Variants in SCNN1A observed in about 807,000 individuals in gnomAD.
SCNN1A encodes sodium channel epithelial 1 subunit alpha.
A neutral mutation model predicts 68.6 loss-of-function variants in SCNN1A; 65 were observed. The observed-to-expected ratio is 0.95, with a 90% CI of 0.78 to 1.16. The LOEUF (loss-of-function observed/expected upper bound fraction) is 1.16, where lower values mean the gene tolerates loss of function less well. SCNN1A is among the 50% of genes most tolerant of loss of function. The pLI is 0.00. For missense variants in SCNN1A, 880 were observed against 865.9 expected, an observed-to-expected ratio of 1.02 and a Z score of -0.20; for synonymous variants, 357 against 353.3, an observed-to-expected ratio of 1.01 and a Z score of -0.12.
At chr12:6,375,116 T>C in intron 1 of SCNN1A, 1 of 1,498,022 alleles carries the variant, frequency 6.7e-7, no homozygotes, top group Non-Finnish European at 8.9e-7. Flanking sequence ...CTTTCGAGTT[T>C]TGTCCTAGCA....
upstream of SCNN1A, chr12:6,375,565 A>ATCT: frequency 6.5e-7 from 1 of 1,528,554 alleles, no homozygotes; most frequent in Non-Finnish European, 8.8e-7. Context: ...GATGGAAGCG[A>ATCT]CAGGAATCTC....
At chr12:6,357,993 C>T (rs1368091238) in intron 4 of SCNN1A, among the ~76,000 whole-genome samples, 4 of 151,936 alleles carry the variant, frequency 2.6e-5, no homozygotes, top group Admixed American at 6.6e-5. Context: ...AGTGAAACTC[C>T]GTCTCCAAAA....
At position 6,372,021 on chromosome 12, in the gene SCNN1A, C is replaced by T. The variant is rs1295513284; in HGVS notation, c.416+2347G>A. On this transcript the variant is annotated intron_variant, in intron 2 of 12. Coordinates refer to ENST00000228916, the MANE Select transcript of SCNN1A (RefSeq NM_001038.6). The surrounding 1 kb of genome is among the most constrained non-coding windows in gnomAD (Gnocchi z 5.8). ...CCATGATGGCCAGGCTGGTCTCGAA[C>T]TCCTGGCCTCAAGTGAGGGGCTCTT... Among the ~76,000 whole-genome samples, 1 of 152,126 alleles carries T rather than the reference C, an allele frequency of 6.6e-6. No homozygotes were observed. The highest frequency in any genetic ancestry group is 2.4e-5 in the African/African-American group (1 of 41,422).
At chr12:6,353,838 C>T (rs1948441155) in intron 8 of SCNN1A, 1 of 149,212 alleles carries the variant, frequency 6.7e-6, no homozygotes, top group Non-Finnish European at 1.5e-5. Flanking sequence ...ATCCGCCCGC[C>T]GTGGCCTCCC....
Position 6,355,831 on chromosome 12 carries a change from T to C in SCNN1A, c.925A>G (p.Asn309Asp). 1 of 1,613,776 alleles carries C rather than the reference T, an allele frequency of 6.2e-7. No individual in the cohort carries two copies. Among genetic ancestry groups the C allele is most frequent in the African/African-American group, 1.3e-5 (1 of 75,036 alleles). ...HPMYGNCYTF[N>D]DKNNSNLWMS... ...CAGAGGTTGGAGTTGTTCTTGTCAT[T>C]GAAAGTATAGCAGTTTCCATACATC... Residue 309 changes from asparagine (N) to aspartate (D), a missense_variant, in exon 5 of 13, where the codon AAT (asparagine) becomes GAT (aspartate). By Grantham distance (23) the Asn-to-Asp change is conservative. Around this residue, in one of 3 missense-constraint regions of SCNN1A, gnomAD observed 758 missense variants for 721.8 expected, o/e 1.05. Coordinates refer to ENST00000228916, the MANE Select transcript of SCNN1A (RefSeq NM_001038.6).
chr12:6,360,612 G>A (rs1948565899), intron 4 of SCNN1A, among the ~76,000 whole-genome samples: 2 of 152,254 alleles, frequency 1.3e-5, no homozygotes. Context: ...TGGGCAGAGT[G>A]TGTGTGAAGG....
chr12:6,359,764 C>CTTTTTTTTTTTTTTTTTTTT, intron 4 of SCNN1A, among the ~76,000 whole-genome samples: 1 of 76,932 alleles, frequency 1.3e-5, no homozygotes, highest in Non-Finnish European at 2.2e-5. Context: ...TCAGATATTC[C>CTTTTTTTTTTTTTTTTTTTT]TTTTTTTTTT....
rs750838338 is a variant in SCNN1A, at chr12:6,374,472, C to G, written c.312G>C (p.Leu104=). ...GGTAGCTGAAGTACTCTCCGAAAAG[C>G]AGGCCGAATTGCCAGTACATCATGC... ...TFGMMYWQFG[L]LFGEYFSYPV... Residue 104 remains leucine, a synonymous_variant, in exon 2 of 13, where the codon CTG becomes CTC. Coordinates refer to ENST00000228916, the MANE Select transcript of SCNN1A (RefSeq NM_001038.6). This position sits in a 1 kb window ranked among gnomAD's most constrained non-coding sequence, Gnocchi z 6.2. 18 of 1,614,106 alleles carry G rather than the reference C, an allele frequency of 1.1e-5. No homozygotes were observed. The highest frequency in any genetic ancestry group is 1.5e-5 in the Non-Finnish European group (18 of 1,180,038).
Position 6,374,762 on chromosome 12 carries a change from C to T in SCNN1A, c.22G>A (p.Glu8Lys). 2 of 1,614,088 alleles carry T rather than the reference C, an allele frequency of 1.2e-6. No individual in the cohort carries two copies. The highest frequency in any genetic ancestry group is 1.7e-6 in the Non-Finnish European group (2 of 1,180,006). The change falls in exon 2 of 13, where the codon GAG (glutamate) becomes AAG (lysine). Residue 8 changes from glutamate (E) to lysine (K), a missense_variant. By Grantham distance (56) the Glu-to-Lys change is moderately conservative. This residue lies in a region of SCNN1A where 77 missense variants were observed against 67.4 expected (regional missense o/e 1.14). Transcript: ENST00000228916. This position sits in a 1 kb window ranked among gnomAD's most constrained non-coding sequence, Gnocchi z 6.2. ...GACTGTGGAGGGCTAGAGTCCTGCT[C>T]CTCCAGCTTGTTCCCCTCCATGAGA... is the stretch of plus-strand genomic sequence containing the variant. MEGNKLE[E>K]QDSSPPQSTP...
At chr12:6,367,475 A>C (rs773451172) in intron 2 of SCNN1A, among the ~76,000 whole-genome samples, 1 of 152,244 alleles carries the variant, frequency 6.6e-6, no homozygotes, top group Non-Finnish European at 1.5e-5. Context: ...TGCAAAAAAC[A>C]CAGGGAAGAA....
At chr12:6,375,939 G>C (rs1184429457), upstream of SCNN1A, 2 of 1,091,532 alleles carry the variant, frequency 1.8e-6, no homozygotes, top group African/African-American at 3.3e-5. Flanking sequence ...TAGGGATGGA[G>C]GAGGGGCACT....
intron 4 of SCNN1A, among the ~76,000 whole-genome samples, chr12:6,357,509 A>G (rs1020633307): frequency 1.2e-4 from 18 of 151,984 alleles, no homozygotes; most frequent in Non-Finnish European, 2.6e-4. Context: ...GGGAGGTTGC[A>G]GTGAGCTGAG....
rs777289941 is a variant in SCNN1A, at chr12:6,354,844, G to A, written c.1148C>T (p.Thr383Ile). 4 of 1,613,556 alleles carry A rather than the reference G, an allele frequency of 2.5e-6. No homozygotes were observed. In the South Asian group the frequency reaches 4.4e-5, roughly 18 times the overall value. ...ATAATCGCCCCCAAGTCTGTCCAGG[G>A]TTTCCTATGAACCCACATACACCAA... ...VETSISMRKE[T>I]LDRLGGDYGD... The change falls in exon 7 of 13, where the codon ACC becomes ATC. Residue 383 changes from threonine to isoleucine, a missense_variant. By Grantham distance (89) the Thr-to-Ile change is moderately conservative. Coordinates refer to ENST00000228916, the MANE Select transcript of SCNN1A (RefSeq NM_001038.6).
At chr12:6,377,238 G>C, upstream of SCNN1A, 2 of 1,545,988 alleles carry the variant, frequency 1.3e-6, no homozygotes, top group Non-Finnish European at 1.7e-6. Context: ...TCCAAACCAG[G>C]TTCCCTTGCT....
At position 6,374,945 on chromosome 12, in the gene SCNN1A, C is replaced by G. The variant is rs1053777116; in HGVS notation, c.-54-108G>C. On this transcript the variant is annotated intron_variant, in intron 1 of 12. Coordinates refer to ENST00000228916, the MANE Select transcript of SCNN1A (RefSeq NM_001038.6). The surrounding 1 kb of genome is among the most constrained non-coding windows in gnomAD (Gnocchi z 6.2). ...ACCCCTGGAACCCGAGTGAGGCTGC[C>G]CCTGGCCATGCCCATGTCCCACCCT... The G allele has an allele frequency of 8.2e-6, 13 of 1,581,942 alleles. No individual in the cohort carries two copies. Among genetic ancestry groups the G allele is most frequent in the Non-Finnish European group, 1.1e-5 (13 of 1,163,540 alleles).
Position 6,362,254 on chromosome 12 carries a change from A to G in SCNN1A, c.685-13T>C. The G allele has an allele frequency of 6.2e-7, 1 of 1,613,162 alleles. No homozygotes were observed. The highest frequency in any genetic ancestry group is 8.5e-7 in the Non-Finnish European group (1 of 1,179,104). On this transcript the variant is annotated splice_polypyrimidine_tract_variant and intron_variant, in intron 3 of 12. Coordinates refer to ENST00000228916, the MANE Select transcript of SCNN1A (RefSeq NM_001038.6). Reference sequence around the variant, plus strand: ...TGTTCTGGTTGCACTGGACACAGAGACTAGAGTCAGAGGGGACACGCAGCC... The same window carrying G: ...TGTTCTGGTTGCACTGGACACAGAGGCTAGAGTCAGAGGGGACACGCAGCC...
chr12:6,365,092 C>T (rs896115575), intron 2 of SCNN1A, among the ~76,000 whole-genome samples: 2 of 151,056 alleles, frequency 1.3e-5, no homozygotes, highest in Non-Finnish European at 2.9e-5. Context: ...ACACAATCGC[C>T]GCTCACTGCA....
chr12:6,370,961 C>T (rs1487097053), intron 2 of SCNN1A, among the ~76,000 whole-genome samples: 1 of 152,206 alleles, frequency 6.6e-6, no homozygotes, highest in African/African-American at 2.4e-5. Context: ...CTGGCCCTCT[C>T]CTTTCAGTGA....
chr12:6,350,755 T>C (rs1948372277), intron 8 of SCNN1A, among the ~76,000 whole-genome samples: 1 of 152,076 alleles, frequency 6.6e-6, no homozygotes, highest in South Asian at 2.1e-4. Flanking sequence ...GATAATTGCT[T>C]GAACCTAGGA....
Sources: gnomAD v4.1 joint callset for allele counts (sites outside exome capture counted in the v4.1 genomes callset) on GRCh38, gnomAD v4.1.1 for gene constraint, gnomAD v4.1.1 regional missense constraint, Gnocchi (gnomAD v3.1) non-coding constraint, MANE v1.5 for transcripts, NCBI Gene and HGNC (gene_info 2026-07-23, HGNC 2026-07-21) for gene names.